Variants in SLC12A2 observed in about 807,000 individuals in gnomAD.
SLC12A2 encodes solute carrier family 12 member 2, also known as Na-K-2Cl cotransporter 1.
In SLC12A2, 67 loss-of-function variants were observed where a neutral mutation model predicts 136.3. The observed-to-expected ratio is 0.49, with a 90% CI of 0.40 to 0.60. SLC12A2 has a LOEUF of 0.60. Among genes scored for constraint, SLC12A2 ranks in the 20% least tolerant of loss-of-function variants. The pLI, the probability that SLC12A2 is intolerant of heterozygous loss-of-function variation, is 0.00. For synonymous variants in SLC12A2, 619 were observed against 562.9 expected, an observed-to-expected ratio of 1.10 and a Z score of -1.41; for missense variants, 1,322 against 1,534.7, an observed-to-expected ratio of 0.86 and a Z score of 2.32.
Position 128,116,718 on chromosome 5 carries a change from C to T in SLC12A2, c.1048+2037C>T, listed in dbSNP as rs553347924. Reference sequence around the variant, plus strand: ...TAATTTAAAGAGTGACCAGATACTACGAAGCTTTCTTAGAAGGCATTCATT... The same window carrying T: ...TAATTTAAAGAGTGACCAGATACTATGAAGCTTTCTTAGAAGGCATTCATT... On this transcript the variant is annotated intron_variant, in intron 4 of 26. Coordinates refer to ENST00000262461, the MANE Select transcript of SLC12A2 (RefSeq NM_001046.3). Among the ~76,000 whole-genome samples, 27 of 152,236 alleles carry T rather than the reference C, an allele frequency of 1.8e-4. No individual in the cohort carries two copies. In the South Asian group the frequency reaches 2.7e-3, roughly 15 times the overall value.
Position 128,084,257 on chromosome 5 carries a change from G to GCGGCAGCGGCGGCGGCT in SLC12A2, c.303_304insCGGCAGCGGCGGCGGCT (p.Ala102ArgfsTer46), listed in dbSNP as rs1561644643. On this transcript the variant is annotated frameshift_variant, in exon 1 of 27. Coordinates refer to ENST00000262461, the MANE Select transcript of SLC12A2 (RefSeq NM_001046.3). LOFTEE classifies it high-confidence loss of function. This position sits in a 1 kb window ranked among gnomAD's most constrained non-coding sequence, Gnocchi z 5.6. Reference sequence around the variant, plus strand: ...CCGCTGCTGCGGCGGCGGCGGCGGCGGCGGCAGCGGCGGCGGCTGGTGCTG... The same window carrying GCGGCAGCGGCGGCGGCT: ...CCGCTGCTGCGGCGGCGGCGGCGGCGCGGCAGCGGCGGCGGCTGCGGCAGCGGCGGCGGCTGGTGCTG... 8.2e-7 allele frequency: 1 copy of GCGGCAGCGGCGGCGGCT among 1,213,426 alleles called. No individual in the cohort carries two copies. The highest frequency in any genetic ancestry group is 1.6e-5 in the African/African-American group (1 of 62,294). The allele number at this position is 1,213,426 out of a possible 1,614,324, so 75.2% of individuals were successfully genotyped here. A position where few individuals can be genotyped will look rare whatever the true frequency, so the allele number is the denominator to read the frequency against.
intron 4 of SLC12A2, among the ~76,000 whole-genome samples, chr5:128,116,914 G>C (rs930418233): frequency 1.3e-5 from 2 of 152,004 alleles, no homozygotes; most frequent in Non-Finnish European, 2.9e-5. Context: ...TTGGTATCAT[G>C]AAAAAAATAT....
chr5:128,185,640 A>G (rs1472431132), intron 26 of SLC12A2, among the ~76,000 whole-genome samples: 3 of 152,196 alleles, frequency 2.0e-5, no homozygotes, highest in Non-Finnish European at 4.4e-5. Flanking sequence ...TGCTGCCACC[A>G]TCCATAAATA....
intron 1 of SLC12A2, among the ~76,000 whole-genome samples, chr5:128,090,923 T>A (rs1760290666): frequency 6.6e-6 from 1 of 152,208 alleles, no homozygotes. Flanking sequence ...CTTAGGATTT[T>A]ACTCTGAGTG....
intron 7 of SLC12A2, among the ~76,000 whole-genome samples, chr5:128,138,212 T>C (rs1221743742): frequency 6.6e-6 from 1 of 152,206 alleles, no homozygotes; most frequent in African/African-American, 2.4e-5. Flanking sequence ...GTGCTGAAAT[T>C]ACAGGCGTGA....
chr5:128,092,797 A>G (rs1760384897), intron 1 of SLC12A2, among the ~76,000 whole-genome samples: 1 of 151,990 alleles, frequency 6.6e-6, no homozygotes, highest in South Asian at 2.1e-4. Flanking sequence ...AGATGTAAAC[A>G]GTACTTGGCA....
intron 4 of SLC12A2, among the ~76,000 whole-genome samples, chr5:128,130,514 CAAAAAA>C (rs565322518): frequency 1.1e-4 from 9 of 81,480 alleles, no homozygotes; most frequent in African/African-American, 1.5e-4. Flanking sequence ...GACTCTGTCT[CAAAAAA>C]AAAAAAAAAA....
At chr5:128,110,879 C>G (rs1231229039) in intron 1 of SLC12A2, 2 of 1,290,472 alleles carry the variant, frequency 1.5e-6, no homozygotes, top group Non-Finnish European at 2.3e-6. Flanking sequence ...CAGGAATATG[C>G]CAATTTACAA....
At chr5:128,129,261 T>G (rs969176374) in intron 4 of SLC12A2, among the ~76,000 whole-genome samples, 14 of 152,056 alleles carry the variant, frequency 9.2e-5, no homozygotes. Context: ...TTCATTAATT[T>G]TTAAAACATA....
chr5:128,084,757 C>G lies in SLC12A2; in HGVS notation c.756+47C>G. ...TTCTTCCCCAGCCCCTGGTGCATGC[C>G]GACCGCGGGATGTGGCTGCAGACTC... On this transcript the variant is annotated intron_variant, in intron 1 of 26. Coordinates refer to ENST00000262461, the MANE Select transcript of SLC12A2 (RefSeq NM_001046.3). The surrounding 1 kb of genome is among the most constrained non-coding windows in gnomAD (Gnocchi z 5.6). 1 of 1,493,246 alleles carries G rather than the reference C, an allele frequency of 6.7e-7. No individual in the cohort carries two copies. The highest frequency in any genetic ancestry group is 8.9e-7 in the Non-Finnish European group (1 of 1,117,406). The allele number at this position is 1,493,246 out of a possible 1,614,324, so 92.5% of individuals were successfully genotyped here. A position where few individuals can be genotyped will look rare whatever the true frequency, so the allele number is the denominator to read the frequency against.
In SLC12A2 at chr5:128,188,734, TAAAAAAA is replaced by T. The variant is rs34443073; in HGVS notation, c.*2117_*2123del. ...TAAGAAAATGAAGTAACTGATTTTCTAAAAAAAAAAAAAAAAAAAATTTCTACATTAT... is the reference window on the plus strand; with the variant it reads ...TAAGAAAATGAAGTAACTGATTTTCTAAAAAAAAAAAAATTTCTACATTAT... On this transcript the variant is annotated 3_prime_UTR_variant, in exon 27 of 27. Transcript: ENST00000262461. 1 of 135,276 alleles carries T rather than the reference TAAAAAAA, an allele frequency of 7.4e-6. No individual in the cohort carries two copies. Among genetic ancestry groups the T allele is most frequent in the African/African-American group, 2.7e-5 (1 of 36,482 alleles). 8.4% of individuals were successfully genotyped at this position (135,276 alleles called of 1,614,324 possible).
At chr5:128,126,962 A>AATTTT (rs1554105151) in intron 4 of SLC12A2, among the ~76,000 whole-genome samples, 2 of 23,328 alleles carry the variant, frequency 8.6e-5, no homozygotes, top group Non-Finnish European at 1.5e-4. Context: ...ATATATATAT[A>AATTTT]TATATTTTTT....
At chr5:128,137,771 A>G (rs191493660) in intron 7 of SLC12A2, among the ~76,000 whole-genome samples, 6 of 152,280 alleles carry the variant, frequency 3.9e-5, no homozygotes, top group Admixed American at 2.0e-4. Flanking sequence ...TGTTGTTGAA[A>G]TAGAAAGGAA....
At chr5:128,171,775 T>A (rs768479141) in intron 19 of SLC12A2, 29 bp downstream of exon 19, 1 of 1,298,864 alleles carries the variant, frequency 7.7e-7, no homozygotes, top group Non-Finnish European at 1.1e-6. Flanking sequence ...AAGTTTTTTA[T>A]TTACAAAAAT....
At chr5:128,111,382 T>A in intron 1 of SLC12A2, among the ~76,000 whole-genome samples, 1 of 152,092 alleles carries the variant, frequency 6.6e-6, no homozygotes. Context: ...GGCTGACAGA[T>A]GTTGGTTAAG....
Position 128,161,726 on chromosome 5 carries a change from A to C in SLC12A2, c.2542A>C (p.Lys848Gln). 6.5e-7 allele frequency: 1 copy of C among 1,538,588 alleles called. No homozygotes were observed. Among genetic ancestry groups the C allele is most frequent in the Non-Finnish European group, 8.7e-7 (1 of 1,144,634 alleles). Residue 848 changes from lysine (K) to glutamine (Q), a missense_variant, in exon 17 of 27, where the codon AAG becomes CAG. Coordinates refer to ENST00000262461, the MANE Select transcript of SLC12A2 (RefSeq NM_001046.3). ...DQAKYQRWLI[K>Q]NKMKAFYAPV... ...AGCCAAATATCAGCGATGGCTTATT[A>C]AGAACAAAATGAAGGCATTTTATGC...
At chr5:128,132,654 A>G (rs1762063295) in intron 5 of SLC12A2, among the ~76,000 whole-genome samples, 3 of 152,200 alleles carry the variant, frequency 2.0e-5, no homozygotes, top group Non-Finnish European at 4.4e-5. Flanking sequence ...GGTTGTAACT[A>G]TTCTACAGTA....
intron 1 of SLC12A2, among the ~76,000 whole-genome samples, chr5:128,089,705 T>TA (rs1760240784): frequency 6.6e-6 from 1 of 152,152 alleles, no homozygotes; most frequent in Non-Finnish European, 1.5e-5. Context: ...AATAGGCACT[T>TA]AATAAAGATT....
chr5:128,098,371 A>ATTTTTTTTTTTTTTTT (rs1383261064), intron 1 of SLC12A2, among the ~76,000 whole-genome samples: 3 of 151,618 alleles, frequency 2.0e-5, no homozygotes, highest in African/African-American at 7.3e-5. Flanking sequence ...TCATTGATAT[A>ATTTTTTTTTTTTTTTT]TTTACCTTTG....
Sources: allele counts gnomAD v4.1 joint callset (sites outside exome capture counted in the v4.1 genomes callset), GRCh38; gene constraint gnomAD v4.1.1; non-coding constraint Gnocchi (gnomAD v3.1); transcripts MANE v1.5; gene names NCBI Gene and HGNC (gene_info 2026-07-23, HGNC 2026-07-21).